Variants in CCL28 observed in about 807,000 individuals in gnomAD.
The protein encoded by CCL28 is C-C motif chemokine 28.
Under a neutral mutation model 7.1 loss-of-function variants are expected in CCL28, and 4 were observed. The observed-to-expected ratio is 0.56, with a 90% CI of 0.28 to 1.29. The LOEUF is 1.29. Ranked by LOEUF, CCL28 falls within the 50% of genes most tolerant of loss-of-function variation. The pLI is 0.11. For missense variants in CCL28, 151 were observed against 163.4 expected, an observed-to-expected ratio of 0.92 and a Z score of 0.41; for synonymous variants, 55 against 57.8, an observed-to-expected ratio of 0.95 and a Z score of 0.22.
At chr5:43,410,784 C>T (rs1264558274) in intron 1 of CCL28, among the ~76,000 whole-genome samples, 2 of 152,124 alleles carry the variant, frequency 1.3e-5, no homozygotes, top group Non-Finnish European at 2.9e-5. Flanking sequence ...AGGAGTGAAG[C>T]CTTAGCAGGT....
chr5:43,399,502 C>T (rs1300682381), intron 1 of CCL28, among the ~76,000 whole-genome samples: 1 of 152,212 alleles, frequency 6.6e-6, no homozygotes, highest in South Asian at 2.1e-4. Flanking sequence ...TGTAACCCCC[C>T]ACCACATAGC....
At chr5:43,371,972 G>A (rs956772952), downstream of CCL28, among the ~76,000 whole-genome samples, 1 of 152,192 alleles carries the variant, frequency 6.6e-6, no homozygotes, top group Non-Finnish European at 1.5e-5. Context: ...GAGGGCAAAG[G>A]GGAGCCAGTG....
intron 1 of CCL28, among the ~76,000 whole-genome samples, chr5:43,410,117 C>G (rs967055288): frequency 1.3e-5 from 2 of 152,216 alleles, no homozygotes; most frequent in African/African-American, 4.8e-5. Flanking sequence ...CTGGCACAGG[C>G]CTTTTTCCTA....
At chr5:43,397,536 A>G (rs113031795) in intron 1 of CCL28, among the ~76,000 whole-genome samples, 4,370 of 152,218 alleles carry the variant, frequency 0.029, 200 homozygotes, top group African/African-American at 0.099. Context: ...TGCAGAATTT[A>G]AGGGACCGCC....
chr5:43,358,269 C>T, the CCL28 span, among the ~76,000 whole-genome samples: 1 of 152,110 alleles, frequency 6.6e-6, no homozygotes, highest in Non-Finnish European at 1.5e-5. Context: ...TCAGGCAACA[C>T]CTCATTGTAC....
At chr5:43,357,990 T>C in the CCL28 span, among the ~76,000 whole-genome samples, 1 of 152,190 alleles carries the variant, frequency 6.6e-6, no homozygotes, top group Admixed American at 6.5e-5. Flanking sequence ...CCTCAGCTAT[T>C]AATGACCCAC....
the CCL28 span, among the ~76,000 whole-genome samples, chr5:43,369,510 C>T: frequency 2.6e-5 from 4 of 152,050 alleles, no homozygotes; most frequent in South Asian, 2.1e-4. Context: ...CTGCAACCTC[C>T]GCCTCCCAGG....
chr5:43,409,703 T>C (rs534820121), intron 1 of CCL28, among the ~76,000 whole-genome samples: 1 of 152,168 alleles, frequency 6.6e-6, no homozygotes, highest in South Asian at 2.1e-4. Flanking sequence ...GGGAAGGCAA[T>C]TTGGGACTCA....
chr5:43,411,627 T>C (rs1385795723), intron 1 of CCL28, among the ~76,000 whole-genome samples: 1 of 152,158 alleles, frequency 6.6e-6, no homozygotes, highest in Non-Finnish European at 1.5e-5. Flanking sequence ...CAATTCACAG[T>C]GTGATCATAG....
At chr5:43,388,938 A>G (rs1343233677) in intron 1 of CCL28, among the ~76,000 whole-genome samples, 1 of 152,238 alleles carries the variant, frequency 6.6e-6, no homozygotes. Context: ...GCAGGCCATA[A>G]TAATCCCAAC....
chr5:43,397,298 T>C (rs900870711), intron 1 of CCL28: 1 of 149,842 alleles, frequency 6.7e-6, no homozygotes, highest in Non-Finnish European at 1.5e-5. Flanking sequence ...GAAAACGTTG[T>C]ATTGTGCACG....
chr5:43,406,448 C>G (rs1258574137), intron 1 of CCL28, among the ~76,000 whole-genome samples: 1 of 152,132 alleles, frequency 6.6e-6, no homozygotes, highest in Non-Finnish European at 1.5e-5. Flanking sequence ...AATTCAACAA[C>G]TCTTCATGCT....
chr5:43,381,302 A>G lies in CCL28; in HGVS notation c.*558T>C, dbSNP rs1463197521. 6.6e-6 allele frequency: 1 copy of G among 152,178 alleles called. No individual in the cohort carries two copies. The highest frequency in any genetic ancestry group is 1.5e-5 in the Non-Finnish European group (1 of 68,030). The allele number at this position is 152,178 out of a possible 1,614,324, so 9.4% of individuals were successfully genotyped here. A position where few individuals can be genotyped will look rare whatever the true frequency, so the allele number is the denominator to read the frequency against. ...TCTTTTAACTTCTCTGTAAGTTTGG[A>G]AAACTATAATTAAAAAGTTGGGAGA... On this transcript the variant is annotated 3_prime_UTR_variant, in exon 3 of 3. Transcript: ENST00000361115.
At chr5:43,377,965 C>T (rs1739952064), downstream of CCL28, among the ~76,000 whole-genome samples, 1 of 133,902 alleles carries the variant, frequency 7.5e-6, no homozygotes, top group Non-Finnish European at 1.5e-5. Context: ...ATCTCCTGAC[C>T]TCGTGATCCG....
chr5:43,406,433 G>C (rs1448086956), intron 1 of CCL28, among the ~76,000 whole-genome samples: 3 of 152,052 alleles, frequency 2.0e-5, no homozygotes. Context: ...AAAGGCCTTT[G>C]ACAAAATTCA....
At chr5:43,368,086 G>C in the CCL28 span, among the ~76,000 whole-genome samples, 1 of 152,156 alleles carries the variant, frequency 6.6e-6, no homozygotes, top group African/African-American at 2.4e-5. Flanking sequence ...ACCACTTAAA[G>C]GGTTTGGCTC....
intron 1 of CCL28, among the ~76,000 whole-genome samples, chr5:43,389,494 T>G (rs927124089): frequency 1.3e-5 from 2 of 152,200 alleles, no homozygotes; most frequent in African/African-American, 4.8e-5. Context: ...AGATGAAGCG[T>G]TACTAGCCTC....
chr5:43,398,773 C>T (rs897573011), intron 1 of CCL28, among the ~76,000 whole-genome samples: 2 of 152,122 alleles, frequency 1.3e-5, no homozygotes, highest in African/African-American at 2.4e-5. Context: ...TTGCTTGAAC[C>T]CGGGAGGTGG....
Position 43,412,369 on chromosome 5 carries a change from G to A in CCL28, c.-53C>T. ...CAACACAAGTGAGGCTGTTCGATCA[G>A]GAAATGAGGCTAAAGGTGTCCTTGG... On this transcript the variant is annotated 5_prime_UTR_variant, in exon 1 of 3. Coordinates refer to ENST00000361115, the MANE Select transcript of CCL28 (RefSeq NM_148672.3). 1.3e-6 allele frequency: 2 copies of A among 1,544,050 alleles called. No individual in the cohort carries two copies. Among genetic ancestry groups the A allele is most frequent in the Non-Finnish European group, 1.8e-6 (2 of 1,124,130 alleles).
Sources: allele counts gnomAD v4.1 joint callset (sites outside exome capture counted in the v4.1 genomes callset), GRCh38; gene constraint gnomAD v4.1.1; transcripts MANE v1.5; gene names NCBI Gene and HGNC (gene_info 2026-07-23, HGNC 2026-07-21).